Variants in PREX2 observed in about 807,000 individuals in gnomAD.
PREX2 encodes the protein phosphatidylinositol 3,4,5-trisphosphate-dependent Rac exchanger 2 protein.
In PREX2, 107 loss-of-function variants were observed where a neutral mutation model predicts 203.2. The observed-to-expected ratio is 0.53, with a 90% confidence interval of 0.45 to 0.62. PREX2 has a LOEUF of 0.62. Ranked by LOEUF, PREX2 falls within the 20% of genes least tolerant of loss-of-function variation. The pLI is 0.00. For missense variants in PREX2, 1,777 were observed against 1,955.9 expected (o/e 0.91, Z 1.72); for synonymous variants, 672 against 663.6 (o/e 1.01, Z -0.19).
intron 37 of PREX2, among the ~76,000 whole-genome samples, chr8:68,205,025 C>T (rs1162078101): frequency 2.0e-5 from 3 of 152,158 alleles, no homozygotes; most frequent in Non-Finnish European, 4.4e-5. Flanking sequence ...TGTCTTCCAG[C>T]TCTCGGGCTA....
chr8:68,038,077 C>T, intron 6 of PREX2, 82 bp from the exon 7 acceptor site: 1 of 1,425,640 alleles, frequency 7.0e-7, no homozygotes, highest in Non-Finnish European at 9.7e-7. Flanking sequence ...ATAAAAACAA[C>T]CATAATTGTA....
At chr8:68,200,305 T>G (rs73683411) in intron 37 of PREX2, among the ~76,000 whole-genome samples, 1,828 of 152,242 alleles carry the variant, frequency 0.012, 35 homozygotes, top group African/African-American at 0.042. Context: ...ATCCTACTCA[T>G]GATAAATTGG....
chr8:67,984,483 A>ATG (rs1806357929), intron 1 of PREX2, among the ~76,000 whole-genome samples: 1 of 152,226 alleles, frequency 6.6e-6, no homozygotes, highest in African/African-American at 2.4e-5. Flanking sequence ...ATGCATGTGT[A>ATG]TGTATGTGTC....
intron 8 of PREX2, among the ~76,000 whole-genome samples, chr8:68,048,634 A>G (rs1808434997): frequency 6.6e-6 from 1 of 152,068 alleles, no homozygotes; most frequent in Non-Finnish European, 1.5e-5. Context: ...ACATTGCAGA[A>G]AAATAGAAAG....
intron 1 of PREX2, among the ~76,000 whole-genome samples, chr8:68,013,369 T>C (rs1167156750): frequency 6.6e-6 from 1 of 152,160 alleles, no homozygotes; most frequent in Non-Finnish European, 1.5e-5. Flanking sequence ...TAAGTCCTGA[T>C]CCCTCCCTTA....
chr8:68,221,424 A>T (rs1379695348), intron 38 of PREX2, among the ~76,000 whole-genome samples: 6 of 152,328 alleles, frequency 3.9e-5, no homozygotes, highest in African/African-American at 1.4e-4. Flanking sequence ...TTTCCTCAGT[A>T]TTAAAACAAG....
intron 17 of PREX2, among the ~76,000 whole-genome samples, chr8:68,082,001 T>C (rs555828326): frequency 6.6e-6 from 1 of 151,674 alleles, no homozygotes; most frequent in African/African-American, 2.4e-5. Context: ...CCAGCAACTT[T>C]ACCAGCCTTT....
chr8:67,967,275 A>G (rs781307275), intron 1 of PREX2, among the ~76,000 whole-genome samples: 4 of 152,212 alleles, frequency 2.6e-5, no homozygotes, highest in Non-Finnish European at 5.9e-5. Flanking sequence ...CAGATTAGAA[A>G]AAGCATGGTG....
Position 68,093,717 on chromosome 8 carries a change from T to C in PREX2, c.2363T>C (p.Val788Ala). The stretch of plus-strand genomic sequence containing the variant: ...GCAGGGGATGCTTTTGACTGTAAAG[T>C]AGAAGGTAGGTTTCTTATTTTCTTC... ...DEAGDAFDCK[V>A]EEVIDKFNTM... The change falls in exon 21 of 40, where the codon GTA becomes GCA. Residue 788 changes from valine to alanine, a missense_variant. Val to Ala is a moderately conservative substitution (Grantham distance 64, BLOSUM62 0). Transcript: ENST00000288368. 6.5e-7 allele frequency: 1 copy of C among 1,540,716 alleles called. No individual in the cohort carries two copies. The highest frequency in any genetic ancestry group is 1.7e-4 in the Middle Eastern group (1 of 5,898).
rs574774429 is a variant in PREX2 at position 67,965,263 on chromosome 8, G to A, written c.141+12728G>A. On this transcript the variant is annotated intron_variant, in intron 1 of 39. Transcript: ENST00000288368. ...ATAGAAAACCTTAGTTCTCCCATTG[G>A]CATATCTGTTAATATATGTTGGTAC... Among the ~76,000 whole-genome samples the A allele has an allele frequency of 8.5e-5, 13 of 152,166 alleles. No individual in the cohort carries two copies. In the South Asian group the frequency reaches 2.1e-3, roughly 24 times the overall value.
At chr8:68,077,527 A>T (rs1809387637) in intron 15 of PREX2, 58 bp downstream of exon 15, 2 of 1,209,730 alleles carry the variant, frequency 1.7e-6, no homozygotes, top group Admixed American at 1.7e-5. Flanking sequence ...GGTTCTTAGG[A>T]TACTGCAACA....
rs1810456466 is a variant in PREX2 at position 68,108,162 on chromosome 8, T to C, written c.2769T>C (p.Ser923=). Residue 923 remains serine, a synonymous_variant, in exon 24 of 40, where the codon TCT becomes TCC. Transcript: ENST00000288368. ...GGCCTACTTTTAAACAGGCCAAATC[T>C]AAAATCTCCCCACTGCACAGCAGTG... ...RAWPTFKQAK[S]KISPLHSSDF... The C allele has an allele frequency of 1.9e-6, 3 of 1,613,968 alleles. No homozygotes were observed. The highest frequency in any genetic ancestry group is 2.5e-6 in the Non-Finnish European group (3 of 1,179,902).
At position 68,019,549 on chromosome 8, in the gene PREX2, A is replaced by G. The variant is rs2129610219; in HGVS notation, c.214A>G (p.Met72Val). The stretch of plus-strand genomic sequence containing the variant: ...TACTTACACATTTGTTTATTTACAG[A>G]TGTTGTTCTCAAACATTGAAGACAT... ...DKNVTEETVKMLFSNIEDILA... is the reference protein window; with the variant it reads ...DKNVTEETVKVLFSNIEDILA... Residue 72 changes from methionine to valine, a missense_variant and splice_region_variant, in exon 3 of 40, where the codon ATG becomes GTG. Physicochemically the swap from Met to Val is conservative, Grantham distance 21. Coordinates refer to ENST00000288368, the MANE Select transcript of PREX2 (RefSeq NM_024870.4). 1 of 1,606,268 alleles carries G rather than the reference A, an allele frequency of 6.2e-7. No individual in the cohort carries two copies. The highest frequency in any genetic ancestry group is 8.5e-7 in the Non-Finnish European group (1 of 1,177,040).
In PREX2 at chr8:68,090,731, G is replaced by T; in HGVS notation, c.2250+16G>T. On this transcript the variant is annotated intron_variant, in intron 20 of 39. Transcript: ENST00000288368. ...GCCAACGAAGGTAAGTGGCCCTTCA[G>T]ATAATCTGGATCTGAGTGACTACTT... 3.1e-6 allele frequency: 5 copies of T among 1,609,672 alleles called. No homozygotes were observed. The highest frequency in any genetic ancestry group is 1.3e-5 in the African/African-American group (1 of 74,868).
chr8:68,049,327 A>C (rs1808453961), intron 8 of PREX2, among the ~76,000 whole-genome samples: 1 of 151,828 alleles, frequency 6.6e-6, no homozygotes, highest in Non-Finnish European at 1.5e-5. Context: ...TGAATACATT[A>C]TTTAGACATC....
intron 29 of PREX2, 107 bp downstream of exon 29, chr8:68,120,393 C>A: frequency 1.4e-6 from 1 of 719,050 alleles, no homozygotes. Flanking sequence ...TCCAGTTACT[C>A]ATGTTTCATA....
chr8:68,100,394 G>A (rs896575083), intron 23 of PREX2, among the ~76,000 whole-genome samples: 1 of 152,194 alleles, frequency 6.6e-6, no homozygotes, highest in African/African-American at 2.4e-5. Context: ...GGGAGAGACA[G>A]CAAGTAAGTA....
intron 35 of PREX2, among the ~76,000 whole-genome samples, chr8:68,180,803 T>C (rs1812070177): frequency 6.6e-6 from 1 of 152,118 alleles, no homozygotes; most frequent in African/African-American, 2.4e-5. Context: ...TCTCGTAGGA[T>C]GACAGTCCGC....
intron 10 of PREX2, among the ~76,000 whole-genome samples, chr8:68,058,623 C>T (rs927885828): frequency 1.3e-5 from 2 of 152,162 alleles, no homozygotes; most frequent in South Asian, 4.2e-4. Context: ...TTAGTAGAGA[C>T]AGAGTTTCAC....
Sources: allele counts gnomAD v4.1 joint callset (sites outside exome capture counted in the v4.1 genomes callset), GRCh38; gene constraint gnomAD v4.1.1; transcripts MANE v1.5; gene names NCBI Gene and HGNC (gene_info 2026-07-23, HGNC 2026-07-21).